Variants in SLIT3 observed in about 807,000 individuals in gnomAD.
SLIT3 encodes slit guidance ligand 3.
Under a neutral mutation model 184.0 loss-of-function variants are expected in SLIT3, and 68 were observed. The observed-to-expected ratio is 0.37, with a 90% confidence interval of 0.30 to 0.45. The LOEUF is 0.45. Ranked by LOEUF, SLIT3 falls within the 20% of genes least tolerant of loss-of-function variation. SLIT3 has a pLI of 1.00. For missense variants in SLIT3, 1,707 were observed against 2,026.0 expected (o/e 0.84, Z 3.02); for synonymous variants, 831 against 828.6 (o/e 1.00, Z -0.05).
chr5:168,811,260 T>C lies in SLIT3; in HGVS notation c.794-4673A>G, dbSNP rs184521722. Reference sequence around the variant, plus strand: ...ACTAACATGTATTCAATGTGTACTATGTGCCAGACACTGCATTGAGTGCTC... The same window carrying C: ...ACTAACATGTATTCAATGTGTACTACGTGCCAGACACTGCATTGAGTGCTC... On this transcript the variant is annotated intron_variant, in intron 8 of 35. Coordinates refer to ENST00000519560, the MANE Select transcript of SLIT3 (RefSeq NM_003062.4). Among the ~76,000 whole-genome samples, 382 of 152,314 alleles carry C rather than the reference T, an allele frequency of 2.5e-3. 2 individuals are homozygous for C. The highest frequency in any genetic ancestry group is 8.5e-3 in the African/African-American group (352 of 41,562).
chr5:168,947,429 C>T (rs1010239101), intron 4 of SLIT3, among the ~76,000 whole-genome samples: 2 of 152,174 alleles, frequency 1.3e-5, no homozygotes, highest in East Asian at 1.9e-4. Context: ...CAGGCCCCTG[C>T]TCACTGCTCT....
intron 6 of SLIT3, among the ~76,000 whole-genome samples, chr5:168,827,431 C>T (rs189104732): frequency 6.1e-4 from 93 of 152,284 alleles, no homozygotes; most frequent in African/African-American, 1.9e-3. Flanking sequence ...TGTTACTCAA[C>T]GATTTTTTAA....
rs572880271 is a variant in SLIT3, at chr5:168,711,195, C to T, written c.2556-137G>A. The T allele has an allele frequency of 2.7e-5, 19 of 714,276 alleles. No homozygotes were observed. In the South Asian group the frequency reaches 3.0e-4, roughly 11 times the overall value. The allele number at this position is 714,276 out of a possible 1,614,324, so 44.2% of individuals were successfully genotyped here. ...AATATGGGGCCAGCGGAGTAGTCGTCTCCACTGTGGCAAAGTTAATATCTC... is the reference window on the plus strand; with the variant it reads ...AATATGGGGCCAGCGGAGTAGTCGTTTCCACTGTGGCAAAGTTAATATCTC... On this transcript the variant is annotated intron_variant, in intron 24 of 35. Coordinates refer to ENST00000519560, the MANE Select transcript of SLIT3 (RefSeq NM_003062.4).
chr5:169,135,617 A>G (rs1761474379), intron 4 of SLIT3, among the ~76,000 whole-genome samples: 2 of 152,190 alleles, frequency 1.3e-5, no homozygotes, highest in African/African-American at 2.4e-5. Context: ...CTCTTCTTCC[A>G]ATATTTATAT....
chr5:169,162,685 T>C (rs11739644), intron 4 of SLIT3, among the ~76,000 whole-genome samples: 4,586 of 152,264 alleles, frequency 0.03, 92 homozygotes, highest in South Asian at 0.096. Context: ...TGACCCCGAT[T>C]GTTATGAGTG....
chr5:169,011,626 G>A (rs1756157311), intron 4 of SLIT3, among the ~76,000 whole-genome samples: 1 of 152,128 alleles, frequency 6.6e-6, no homozygotes, highest in Non-Finnish European at 1.5e-5. Context: ...TCATTTGCTG[G>A]GGGAGAGGAG....
At position 168,684,033 on chromosome 5, in the gene SLIT3, C is replaced by G. The variant is rs1488869512; in HGVS notation, c.3619G>C (p.Glu1207Gln). 5 of 1,607,836 alleles carry G rather than the reference C, an allele frequency of 3.1e-6. No individual in the cohort carries two copies. The South Asian group carries it at 5.6e-5, about 18-fold the overall frequency. Residue 1207 changes from glutamate (E) to glutamine (Q), a missense_variant, in exon 32 of 36, where the codon GAG (glutamate) becomes CAG (glutamine). Glu to Gln is a conservative substitution (Grantham distance 29). Transcript: ENST00000519560. ...YKGDNDPLAL[E>Q]LYQGHVRLVY... ...AGCCGCACGTGGCCCTGGTACAGCTCCAGTGCCAGGGGGTCATTGTCTCCT... is the reference window on the plus strand; with the variant it reads ...AGCCGCACGTGGCCCTGGTACAGCTGCAGTGCCAGGGGGTCATTGTCTCCT...
chr5:169,144,569 A>C (rs1761865923), intron 4 of SLIT3, among the ~76,000 whole-genome samples: 1 of 152,220 alleles, frequency 6.6e-6, no homozygotes, highest in Non-Finnish European at 1.5e-5. Flanking sequence ...TTGACAAGTA[A>C]GTGAATGATG....
chr5:169,297,892 G>T (rs532599531), intron 1 of SLIT3, among the ~76,000 whole-genome samples: 3 of 152,206 alleles, frequency 2.0e-5, no homozygotes, highest in African/African-American at 4.8e-5. Flanking sequence ...GAGCCACTGC[G>T]CCCGGCTTCA....
chr5:168,900,615 C>CAAACAAAACA (rs141764198), intron 4 of SLIT3, among the ~76,000 whole-genome samples: 4 of 151,958 alleles, frequency 2.6e-5, no homozygotes, highest in East Asian at 1.9e-4. Context: ...AACCCTGTCT[C>CAAACAAAACA]AAACAAAACA....
At chr5:169,051,904 G>A (rs746028471) in intron 4 of SLIT3, among the ~76,000 whole-genome samples, 6 of 152,102 alleles carry the variant, frequency 3.9e-5, no homozygotes, top group African/African-American at 9.7e-5. Flanking sequence ...AAGCTTGCAC[G>A]CCTTGGTGTC....
intron 3 of SLIT3, among the ~76,000 whole-genome samples, chr5:169,238,738 C>T (rs752721787): frequency 6.6e-6 from 1 of 152,034 alleles, no homozygotes; most frequent in South Asian, 2.1e-4. Context: ...AAGTTTCTTA[C>T]CAATGTTAGA....
At chr5:168,940,441 C>T (rs1471141780) in intron 4 of SLIT3, among the ~76,000 whole-genome samples, 1 of 151,916 alleles carries the variant, frequency 6.6e-6, no homozygotes, top group Admixed American at 6.6e-5. Flanking sequence ...TAAATGACAT[C>T]GCTGAGAGCA....
intron 4 of SLIT3, among the ~76,000 whole-genome samples, chr5:168,995,998 C>T (rs1755495690): frequency 6.6e-6 from 1 of 152,218 alleles, no homozygotes; most frequent in Non-Finnish European, 1.5e-5. Context: ...CACCCCAGGA[C>T]ATTCAGTTGG....
chr5:168,786,805 C>T (rs1332031461), intron 11 of SLIT3, among the ~76,000 whole-genome samples: 1 of 152,078 alleles, frequency 6.6e-6, no homozygotes, highest in Non-Finnish European at 1.5e-5. Flanking sequence ...TAGAGAAGCT[C>T]GGCTGGCCTC....
intron 4 of SLIT3, among the ~76,000 whole-genome samples, chr5:168,889,261 G>T (rs372487533): frequency 6.6e-6 from 1 of 152,202 alleles, no homozygotes; most frequent in East Asian, 1.9e-4. Context: ...TATGTTTGCA[G>T]TTGGGTCACT....
chr5:169,032,754 A>G (rs1399936571), intron 4 of SLIT3, among the ~76,000 whole-genome samples: 1 of 151,926 alleles, frequency 6.6e-6, no homozygotes, highest in African/African-American at 2.4e-5. Context: ...AACACTCATG[A>G]ATACTATGCT....
intron 12 of SLIT3, among the ~76,000 whole-genome samples, chr5:168,775,529 C>CT (rs1452694048): frequency 6.8e-6 from 1 of 147,430 alleles, no homozygotes; most frequent in East Asian, 2.0e-4. Flanking sequence ...GTCTCTCACA[C>CT]CCCCGTTTAT....
At chr5:168,834,016 T>C (rs2974427) in intron 6 of SLIT3, among the ~76,000 whole-genome samples, 53,589 of 152,110 alleles carry the variant, frequency 0.35, 10,180 homozygotes, top group East Asian at 0.5. Flanking sequence ...ACAGGACATC[T>C]GGCCAAAGTC....
Sources: gnomAD v4.1 joint callset for allele counts (sites outside exome capture counted in the v4.1 genomes callset) on GRCh38, gnomAD v4.1.1 for gene constraint, MANE v1.5 for transcripts, NCBI Gene and HGNC (gene_info 2026-07-23, HGNC 2026-07-21) for gene names.